Variants in ABTB3 observed in about 807,000 individuals in gnomAD.
The protein encoded by ABTB3 is ankyrin repeat and BTB domain containing 3.
chr12:107,456,860 C>CT, the ABTB3 span, among the ~76,000 whole-genome samples: 119 of 144,736 alleles, frequency 8.2e-4, no homozygotes, highest in Middle Eastern at 3.6e-3. Context: ...TCTTTCTTTT[C>CT]TTTTTTTTTT....
chr12:107,572,881 T>TGCA, the ABTB3 span, among the ~76,000 whole-genome samples: 4 of 152,302 alleles, frequency 2.6e-5, no homozygotes, highest in South Asian at 8.3e-4. Context: ...CAGTACTGCT[T>TGCA]GCAGCCCTCA....
chr12:107,452,537 G>A, the ABTB3 span, among the ~76,000 whole-genome samples: 53 of 151,518 alleles, frequency 3.5e-4, no homozygotes, highest in Non-Finnish European at 6.6e-4. Flanking sequence ...GGTAAGCCAC[G>A]GAGGGGAGAG....
chr12:107,595,497 C>T, the ABTB3 span, among the ~76,000 whole-genome samples: 1 of 152,144 alleles, frequency 6.6e-6, no homozygotes, highest in Non-Finnish European at 1.5e-5. Context: ...GGCAAGAGAA[C>T]CTTAAACTTG....
the ABTB3 span, among the ~76,000 whole-genome samples, chr12:107,573,476 GGATGGATGGATGGA>G: frequency 1.4e-4 from 22 of 151,974 alleles, no homozygotes; most frequent in Non-Finnish European, 2.6e-4. Context: ...ATGGATGGAT[GGATGGATGGATGGA>G]TGGATGGATG....
chr12:107,438,847 G>C, the ABTB3 span, among the ~76,000 whole-genome samples: 263 of 152,258 alleles, frequency 1.7e-3, no homozygotes, highest in African/African-American at 5.8e-3. Context: ...TTGTCTCTTG[G>C]GGGGAAGTTG....
At chr12:107,367,570 T>A in the ABTB3 span, among the ~76,000 whole-genome samples, 1 of 152,168 alleles carries the variant, frequency 6.6e-6, no homozygotes, top group African/African-American at 2.4e-5. Flanking sequence ...AGTGGCGCAG[T>A]TTCGGCTCAC....
the ABTB3 span, among the ~76,000 whole-genome samples, chr12:107,340,098 A>C: frequency 1.9e-4 from 29 of 152,160 alleles, no homozygotes; most frequent in African/African-American, 6.7e-4. Context: ...TGTTGTGAAT[A>C]CTGAAGTCAA....
chr12:107,536,869 A>G, the ABTB3 span, among the ~76,000 whole-genome samples: 1 of 152,168 alleles, frequency 6.6e-6, no homozygotes, highest in Non-Finnish European at 1.5e-5. Context: ...CAACAATTCC[A>G]CTACTGGGCA....
At chr12:107,347,897 G>A in the ABTB3 span, among the ~76,000 whole-genome samples, 1 of 152,042 alleles carries the variant, frequency 6.6e-6, no homozygotes. Context: ...TATAATGCAG[G>A]GTGGTAACCA....
the ABTB3 span, among the ~76,000 whole-genome samples, chr12:107,466,156 T>G: frequency 2.0e-4 from 31 of 152,134 alleles, no homozygotes; most frequent in African/African-American, 6.7e-4. Context: ...GTGGTGGTAT[T>G]TGGGAGCCTT....
chr12:107,519,327 T>TTTTC, the ABTB3 span, among the ~76,000 whole-genome samples: 15,693 of 134,092 alleles, frequency 0.12, 918 homozygotes, highest in African/African-American at 0.15. Flanking sequence ...CTTTTTTTCT[T>TTTTC]TTTCTTTTTT....
chr12:107,598,779 T>C, the ABTB3 span, among the ~76,000 whole-genome samples: 1 of 152,346 alleles, frequency 6.6e-6, no homozygotes, highest in South Asian at 2.1e-4. Flanking sequence ...ATCCCCATTT[T>C]ACAGACAAGG....
chr12:107,559,343 C>T, the ABTB3 span, among the ~76,000 whole-genome samples: 5 of 152,020 alleles, frequency 3.3e-5, no homozygotes, highest in South Asian at 2.1e-4. Context: ...CTGACAGCCC[C>T]GTGTGTGCTG....
the ABTB3 span, among the ~76,000 whole-genome samples, chr12:107,490,433 G>C: frequency 1.3e-5 from 2 of 152,170 alleles, no homozygotes; most frequent in African/African-American, 4.8e-5. Flanking sequence ...TGGACTGGGG[G>C]AGTTGAAACA....
At chr12:107,339,280 C>T in the ABTB3 span, among the ~76,000 whole-genome samples, 1 of 152,184 alleles carries the variant, frequency 6.6e-6, no homozygotes, top group African/African-American at 2.4e-5. Context: ...TTAAGCCCCA[C>T]ATGCCTCGGC....
At chr12:107,502,754 G>A in the ABTB3 span, among the ~76,000 whole-genome samples, 2 of 152,068 alleles carry the variant, frequency 1.3e-5, no homozygotes, top group African/African-American at 4.8e-5. Context: ...ACCCTACTAG[G>A]AAGTGTGCAC....
At chr12:107,509,983 A>T in the ABTB3 span, among the ~76,000 whole-genome samples, 16,466 of 152,192 alleles carry the variant, frequency 0.11, 951 homozygotes, top group African/African-American at 0.14. Flanking sequence ...TCTGTCTATT[A>T]TCCCATTATA....
the ABTB3 span, among the ~76,000 whole-genome samples, chr12:107,615,804 C>G: frequency 6.6e-6 from 1 of 152,166 alleles, no homozygotes; most frequent in Admixed American, 6.5e-5. Flanking sequence ...AACAGCCATA[C>G]GGTACATTCT....
At chr12:107,538,110 G>T in the ABTB3 span, among the ~76,000 whole-genome samples, 3 of 152,134 alleles carry the variant, frequency 2.0e-5, no homozygotes, top group African/African-American at 7.2e-5. Flanking sequence ...GCCAGTGGAA[G>T]GGGTGCTGAC....
Sources: gnomAD v4.1 joint callset for allele counts (sites outside exome capture counted in the v4.1 genomes callset) on GRCh38, gnomAD v4.1.1 for gene constraint, MANE v1.5 for transcripts, NCBI Gene and HGNC (gene_info 2026-07-23, HGNC 2026-07-21) for gene names.